The following PTPRD variants were observed in gnomAD, a reference collection of about 807,000 sequenced individuals.
PTPRD encodes protein tyrosine phosphatase receptor type D.
PTPRD carries 34 observed loss-of-function variants against 214.5 expected under a neutral mutation model. The observed-to-expected ratio is 0.16, with a 90% CI of 0.12 to 0.21. PTPRD has a LOEUF of 0.21. Among genes scored for constraint, PTPRD ranks in the 10% least tolerant of loss-of-function variants. The probability of loss-of-function intolerance (pLI) is 1.00; values close to 1 mark genes in which losing one functional copy is unlikely to be tolerated. For missense variants in PTPRD, 2,545 were observed against 2,398.7 expected (o/e 1.06, Z -1.27); for synonymous variants, 1,128 against 845.7 (o/e 1.33, Z -5.79).
At chr9:10,116,234 T>C (rs916704322) in intron 3 of PTPRD, among the ~76,000 whole-genome samples, 4 of 152,160 alleles carry the variant, frequency 2.6e-5, no homozygotes, top group Non-Finnish European at 5.9e-5. Flanking sequence ...AACTGGTAAA[T>C]GTCAGTCTGA....
intron 12 of PTPRD, among the ~76,000 whole-genome samples, chr9:8,645,056 T>TAATA (rs1327778676): frequency 6.6e-6 from 1 of 152,252 alleles, no homozygotes; most frequent in East Asian, 1.9e-4. Flanking sequence ...ATTGCACAGA[T>TAATA]AATATATCGC....
At chr9:9,255,965 T>G (rs888236442) in intron 9 of PTPRD, among the ~76,000 whole-genome samples, 3 of 152,066 alleles carry the variant, frequency 2.0e-5, no homozygotes, top group Non-Finnish European at 4.4e-5. Context: ...TTTCAGTTTT[T>G]GGATTACAGG....
intron 4 of PTPRD, among the ~76,000 whole-genome samples, chr9:9,965,113 C>T (rs2094595465): frequency 6.6e-6 from 1 of 152,072 alleles, no homozygotes; most frequent in Admixed American, 6.6e-5. Context: ...CACACAGAGT[C>T]CAAATTAGCA....
At chr9:8,821,426 G>T (rs1026861776) in intron 11 of PTPRD, among the ~76,000 whole-genome samples, 2 of 152,122 alleles carry the variant, frequency 1.3e-5, no homozygotes, top group Admixed American at 6.5e-5. Flanking sequence ...CAACCCCTAG[G>T]AATTCAAGGT....
chr9:9,094,257 C>A (rs1332721287), intron 10 of PTPRD, among the ~76,000 whole-genome samples: 2 of 152,018 alleles, frequency 1.3e-5, no homozygotes, highest in Non-Finnish European at 2.9e-5. Context: ...CTCTCAATTG[C>A]AAAGGTTTGG....
chr9:10,072,047 T>C (rs1173788615), intron 3 of PTPRD, among the ~76,000 whole-genome samples: 1 of 151,844 alleles, frequency 6.6e-6, no homozygotes. Context: ...TTATACTCTG[T>C]AAAAGAGAAG....
At chr9:8,938,800 T>G (rs1368203020) in intron 11 of PTPRD, among the ~76,000 whole-genome samples, 1 of 152,078 alleles carries the variant, frequency 6.6e-6, no homozygotes, top group Non-Finnish European at 1.5e-5. Context: ...ACAAAGCAAA[T>G]TTGAGCTAAG....
At chr9:9,024,543 G>C (rs977057164) in intron 10 of PTPRD, among the ~76,000 whole-genome samples, 1 of 151,498 alleles carries the variant, frequency 6.6e-6, no homozygotes, top group Non-Finnish European at 1.5e-5. Flanking sequence ...ACTCCTACAA[G>C]CAAGATAGGA....
At chr9:8,717,665 T>C (rs543606883) in intron 12 of PTPRD, among the ~76,000 whole-genome samples, 4 of 152,234 alleles carry the variant, frequency 2.6e-5, no homozygotes, top group Non-Finnish European at 2.9e-5. Flanking sequence ...AAATTAGCTA[T>C]GCTTGATCCT....
intron 25 of PTPRD, 32 bp from the exon 26 acceptor site, chr9:8,497,300 CAAAAT>C (rs2097298319): frequency 6.4e-7 from 1 of 1,567,070 alleles, no homozygotes; most frequent in Admixed American, 1.9e-5. Context: ...GGGAGGAAAA[CAAAAT>C]AAAAAGAAAA....
rs115203745 is a variant in PTPRD, at chr9:9,333,057, A to G, written c.-203+64392T>C. On this transcript the variant is annotated intron_variant, in intron 9 of 45. Transcript: ENST00000381196. ...CACAGAGCACTTCAAGCATTTATTA[A>G]ATGTTTGAGCTGTTCGGGAGGGACA... is the stretch of plus-strand genomic sequence containing the variant. Among the ~76,000 whole-genome samples the G allele has an allele frequency of 3.5e-3, 528 of 152,088 alleles. 6 individuals are homozygous for G. The highest frequency in any genetic ancestry group is 0.012 in the African/African-American group (509 of 41,522).
At chr9:10,109,401 C>T (rs536955693) in intron 3 of PTPRD, among the ~76,000 whole-genome samples, 1 of 152,220 alleles carries the variant, frequency 6.6e-6, no homozygotes, top group South Asian at 2.1e-4. Flanking sequence ...AAGTTGTTTG[C>T]TGTAAGAAGT....
rs559266858 is a variant in PTPRD, at chr9:9,296,384, G to T, written c.-203+101065C>A. On this transcript the variant is annotated intron_variant, in intron 9 of 45. Transcript: ENST00000381196. ...AAGAAGTAAGTTCAGAGGGATAATTGCTCCATCATTATTTCTCTTTACCTT... is the reference window on the plus strand; with the variant it reads ...AAGAAGTAAGTTCAGAGGGATAATTTCTCCATCATTATTTCTCTTTACCTT... Among the ~76,000 whole-genome samples, 135 of 151,734 alleles carry T rather than the reference G, an allele frequency of 8.9e-4. 1 individual carries two copies. The highest frequency in any genetic ancestry group is 1.5e-3 in the South Asian group (7 of 4,826).
At chr9:8,552,072 C>G (rs192174940) in intron 14 of PTPRD, among the ~76,000 whole-genome samples, 2 of 152,134 alleles carry the variant, frequency 1.3e-5, no homozygotes, top group African/African-American at 4.8e-5. Context: ...CTATCAATGA[C>G]CTGGACCAGA....
At chr9:10,332,767 C>T (rs2096774547) in intron 3 of PTPRD, among the ~76,000 whole-genome samples, 1 of 151,786 alleles carries the variant, frequency 6.6e-6, no homozygotes, top group East Asian at 2.0e-4. Flanking sequence ...TCTTGCAGTC[C>T]GGTGAAAGAG....
chr9:9,888,487 G>T (rs577229704), intron 5 of PTPRD, among the ~76,000 whole-genome samples: 1 of 152,212 alleles, frequency 6.6e-6, no homozygotes, highest in East Asian at 1.9e-4. Flanking sequence ...TGGGGAGAGG[G>T]TTCCCTTGTG....
At chr9:9,102,621 G>A (rs1014465704) in intron 10 of PTPRD, among the ~76,000 whole-genome samples, 4 of 152,198 alleles carry the variant, frequency 2.6e-5, no homozygotes, top group Non-Finnish European at 4.4e-5. Context: ...GGCTGATTAC[G>A]TAGATAATTT....
At chr9:9,839,346 C>A (rs929473918) in intron 5 of PTPRD, among the ~76,000 whole-genome samples, 3 of 152,104 alleles carry the variant, frequency 2.0e-5, no homozygotes, top group African/African-American at 7.2e-5. Context: ...TAAGCAAATT[C>A]AGCAAAGTCT....
In PTPRD at chr9:8,671,276, A is replaced by T. The variant is rs553689665; in HGVS notation, c.65-34432T>A. On this transcript the variant is annotated intron_variant, in intron 12 of 45. Coordinates refer to ENST00000381196, the MANE Select transcript of PTPRD (RefSeq NM_002839.4). Reference sequence around the variant, plus strand: ...TATGCAAGGTATCATCCCTAAACTAATATTCACTAAATGAATTTAAAATAC... The same window carrying T: ...TATGCAAGGTATCATCCCTAAACTATTATTCACTAAATGAATTTAAAATAC... 3.9e-5 allele frequency among the ~76,000 whole-genome samples: 6 copies of T among 152,326 alleles called. No homozygotes were observed. In the South Asian group the frequency reaches 1.2e-3, roughly 32 times the overall value.
Sources: allele counts gnomAD v4.1 joint callset (sites outside exome capture counted in the v4.1 genomes callset), GRCh38; gene constraint gnomAD v4.1.1; transcripts MANE v1.5; gene names NCBI Gene and HGNC (gene_info 2026-07-23, HGNC 2026-07-21).